ASTN1: variants seen among roughly 807,000 people sequenced by gnomAD.
ASTN1 encodes astrotactin-1.
In ASTN1, 41 loss-of-function variants were observed where a neutral mutation model predicts 140.7. The ratio of observed to expected loss-of-function variants is 0.29; its 90% confidence interval spans 0.23 to 0.38. The LOEUF is 0.38. Among genes scored for constraint, ASTN1 ranks in the 10% least tolerant of loss-of-function variants. The pLI is 1.00. For missense variants in ASTN1, 1,479 were observed against 1,678.8 expected, an observed-to-expected ratio of 0.88 and a Z score of 2.08; for synonymous variants, 640 against 652.2, an observed-to-expected ratio of 0.98 and a Z score of 0.29.
At chr1:177,019,950 T>A (rs1027303705) in intron 7 of ASTN1, among the ~76,000 whole-genome samples, 1 of 152,214 alleles carries the variant, frequency 6.6e-6, no homozygotes, top group African/African-American at 2.4e-5. Context: ...AATGGTGCAA[T>A]CTCGGCTCAC....
intron 8 of ASTN1, among the ~76,000 whole-genome samples, chr1:177,013,314 A>G (rs537852102): frequency 7.9e-5 from 12 of 151,966 alleles, no homozygotes; most frequent in Admixed American, 2.6e-4. Context: ...CCTTTCCCCA[A>G]CTGCATTTTC....
rs192257554 is a variant in ASTN1, at chr1:177,162,753, C to T, written c.283+1641G>A. On this transcript the variant is annotated intron_variant, in intron 1 of 22. Coordinates refer to ENST00000361833, the MANE Select transcript of ASTN1 (RefSeq NM_004319.3). Reference sequence around the variant, plus strand: ...ACTCACTTTTATATACTATGATGAACAGATTGTACTTTGCATATCAGCATG... The same window carrying T: ...ACTCACTTTTATATACTATGATGAATAGATTGTACTTTGCATATCAGCATG... Among the ~76,000 whole-genome samples, 153 of 152,280 alleles carry T rather than the reference C, an allele frequency of 1.0e-3. 1 individual carries two copies. The highest frequency in any genetic ancestry group is 3.8e-3 in the Admixed American group (58 of 15,290).
At chr1:177,109,671 A>T (rs1680720731) in intron 1 of ASTN1, among the ~76,000 whole-genome samples, 1 of 152,234 alleles carries the variant, frequency 6.6e-6, no homozygotes, top group Non-Finnish European at 1.5e-5. Flanking sequence ...GATTGGAATC[A>T]AGAGACCATG....
At chr1:177,091,971 A>T (rs529513583) in intron 1 of ASTN1, among the ~76,000 whole-genome samples, 1 of 152,142 alleles carries the variant, frequency 6.6e-6, no homozygotes, top group Admixed American at 6.5e-5. Context: ...TTTTATGTAT[A>T]CTTTTTTTGT....
intron 18 of ASTN1, among the ~76,000 whole-genome samples, 186 bp from the exon 19 acceptor site, chr1:176,884,676 G>A (rs1571456074): frequency 6.6e-6 from 1 of 152,160 alleles, no homozygotes; most frequent in South Asian, 2.1e-4. Context: ...TATGTTTTAT[G>A]TATTAAATGC....
At chr1:177,000,764 G>C (rs567587944) in intron 8 of ASTN1, among the ~76,000 whole-genome samples, 1 of 152,316 alleles carries the variant, frequency 6.6e-6, no homozygotes, top group East Asian at 1.9e-4. Flanking sequence ...CTAAGAATCT[G>C]CATTACAATG....
intron 21 of ASTN1, 143 bp downstream of exon 21, chr1:176,876,394 C>T: frequency 1.2e-6 from 1 of 810,016 alleles, no homozygotes; most frequent in Non-Finnish European, 2.0e-6. Flanking sequence ...AAAGGCAACG[C>T]TCCTGTACTG....
At chr1:176,868,593 GAGGGCAAAAT>G (rs991927935) in intron 22 of ASTN1, among the ~76,000 whole-genome samples, 17 of 152,280 alleles carry the variant, frequency 1.1e-4, no homozygotes, top group African/African-American at 3.4e-4. Flanking sequence ...GATAAAAAAG[GAGGGCAAAAT>G]AGGTCAAGAG....
intron 1 of ASTN1, among the ~76,000 whole-genome samples, chr1:177,147,281 G>A (rs1042501505): frequency 6.6e-6 from 1 of 152,136 alleles, no homozygotes; most frequent in Non-Finnish European, 1.5e-5. Context: ...GGAACACTTA[G>A]AAGGCTTCCC....
chr1:177,098,006 A>G (rs930658150), intron 1 of ASTN1, among the ~76,000 whole-genome samples: 1 of 152,142 alleles, frequency 6.6e-6, no homozygotes, highest in Non-Finnish European at 1.5e-5. Context: ...TCTGAGTTGT[A>G]CCCACAATAA....
chr1:176,926,428 A>G (rs954587670), intron 16 of ASTN1, among the ~76,000 whole-genome samples: 1 of 152,122 alleles, frequency 6.6e-6, no homozygotes, highest in Non-Finnish European at 1.5e-5. Context: ...ATCCTCACAC[A>G]TATGTTTAGG....
At chr1:176,909,901 T>C (rs1473669545) in intron 16 of ASTN1, among the ~76,000 whole-genome samples, 1 of 152,232 alleles carries the variant, frequency 6.6e-6, no homozygotes, top group Non-Finnish European at 1.5e-5. Context: ...TCATGAACTC[T>C]ATTTCCAAGG....
chr1:176,911,535 TA>T (rs1307379059), intron 16 of ASTN1, among the ~76,000 whole-genome samples: 1 of 152,144 alleles, frequency 6.6e-6, no homozygotes, highest in African/African-American at 2.4e-5. Flanking sequence ...TTTAAATTTT[TA>T]TTTTTTTATT....
At chr1:176,974,419 T>C (rs1673275301) in intron 8 of ASTN1, among the ~76,000 whole-genome samples, 1 of 151,380 alleles carries the variant, frequency 6.6e-6, no homozygotes, top group Non-Finnish European at 1.5e-5. Flanking sequence ...GGAGTCTCGC[T>C]CTGTTGCCCA....
intron 1 of ASTN1, among the ~76,000 whole-genome samples, chr1:177,099,665 C>T (rs1170463545): frequency 1.3e-5 from 2 of 152,202 alleles, no homozygotes; most frequent in African/African-American, 4.8e-5. Context: ...ATATTCCCCT[C>T]CTGTGCTCCA....
chr1:176,981,143 CAG>C (rs1673593453), intron 8 of ASTN1, among the ~76,000 whole-genome samples: 1 of 130,176 alleles, frequency 7.7e-6, no homozygotes, highest in Non-Finnish European at 1.5e-5. Context: ...ACTCAGGAGG[CAG>C]AGACTGCAGT....
intron 8 of ASTN1, among the ~76,000 whole-genome samples, chr1:176,998,177 G>A (rs1297599697): frequency 6.6e-6 from 1 of 152,092 alleles, no homozygotes; most frequent in East Asian, 1.9e-4. Context: ...TGACTCTCAA[G>A]CCAGTTATTG....
rs572217199 is a variant in ASTN1 at position 177,106,955 on chromosome 1, T to C, written c.284-45690A>G. 2.0e-4 allele frequency among the ~76,000 whole-genome samples: 30 copies of C among 152,280 alleles called. 1 individual carries two copies. In the South Asian group the frequency reaches 5.8e-3, roughly 30 times the overall value. On this transcript the variant is annotated intron_variant, in intron 1 of 22. Transcript: ENST00000361833. ...GGTACACCTGAATCCTGGGAGCCAG[T>C]GGCAAAGCCAAGAAGTAATGAAATA...
intron 1 of ASTN1, among the ~76,000 whole-genome samples, chr1:177,092,709 T>A (rs1242434480): frequency 6.6e-6 from 1 of 152,158 alleles, no homozygotes; most frequent in Non-Finnish European, 1.5e-5. Flanking sequence ...ACTTCATTGT[T>A]TCCATGTGAT....
Sources: gnomAD v4.1 joint callset for allele counts (sites outside exome capture counted in the v4.1 genomes callset) on GRCh38, gnomAD v4.1.1 for gene constraint, MANE v1.5 for transcripts, NCBI Gene and HGNC (gene_info 2026-07-23, HGNC 2026-07-21) for gene names.